The following GTF2F2 variants were observed in gnomAD, a reference collection of about 807,000 sequenced individuals.
GTF2F2 encodes general transcription factor IIF subunit 2.
GTF2F2 carries 23 observed loss-of-function variants against 42.2 expected under a neutral mutation model. The ratio of observed to expected loss-of-function variants is 0.55; its 90% CI spans 0.39 to 0.77. The LOEUF (loss-of-function observed/expected upper bound fraction) is 0.77. Among genes scored for constraint, GTF2F2 ranks in the 30% least tolerant of loss-of-function variants. GTF2F2 has a pLI of 0.00. For synonymous variants in GTF2F2, 105 were observed against 100.8 expected (o/e 1.04, Z -0.25); for missense variants, 261 against 287.2 (o/e 0.91, Z 0.66).
At chr13:45,272,130 T>C (rs895946636) in intron 7 of GTF2F2, among the ~76,000 whole-genome samples, 4 of 149,806 alleles carry the variant, frequency 2.7e-5, no homozygotes, top group Non-Finnish European at 5.9e-5. Flanking sequence ...AAAGACAATT[T>C]CCCAACAGAG....
chr13:45,230,098 C>A (rs1030772750), intron 5 of GTF2F2, among the ~76,000 whole-genome samples: 1 of 152,084 alleles, frequency 6.6e-6, no homozygotes, highest in African/African-American at 2.4e-5. Context: ...CACCTGTAAT[C>A]CCAGCTACTC....
At chr13:45,139,615 T>TA (rs1310314013) in intron 2 of GTF2F2, among the ~76,000 whole-genome samples, 2 of 152,222 alleles carry the variant, frequency 1.3e-5, no homozygotes, top group Non-Finnish European at 2.9e-5. Flanking sequence ...CTATCTCCCT[T>TA]ACCCTCTTAT....
chr13:45,124,562 T>C (rs1285533462), intron 1 of GTF2F2, among the ~76,000 whole-genome samples: 2 of 151,806 alleles, frequency 1.3e-5, no homozygotes, highest in Admixed American at 6.6e-5. Flanking sequence ...TTATTTTGTT[T>C]GTTTGTTTGT....
chr13:45,284,780 A>AT lies in GTF2F2; in HGVS notation c.*1224dup, dbSNP rs1877393766. 1 of 152,236 alleles carries AT rather than the reference A, an allele frequency of 6.6e-6. No individual in the cohort carries two copies. Among genetic ancestry groups the AT allele is most frequent in the Non-Finnish European group, 1.5e-5 (1 of 68,052 alleles). 9.4% of individuals were successfully genotyped at this position (152,236 alleles called of 1,614,324 possible). On this transcript the variant is annotated 3_prime_UTR_variant, in exon 8 of 8. Coordinates refer to ENST00000340473, the MANE Select transcript of GTF2F2 (RefSeq NM_004128.3). ...AGATATCTATCCATTGAGAAAAACA[A>AT]TTTTTATATTATTTGCTTTTAGCAG...
chr13:45,127,223 GC>G lies in GTF2F2; in HGVS notation c.66+6503del, dbSNP rs1869061614. On this transcript the variant is annotated intron_variant, in intron 1 of 7. Coordinates refer to ENST00000340473, the MANE Select transcript of GTF2F2 (RefSeq NM_004128.3). ...ACCTTTGAATTAAATAAGCTGGTGGGCTTACCTGGGAATCTACAGTTTTATT... is the reference window on the plus strand; with the variant it reads ...ACCTTTGAATTAAATAAGCTGGTGGGTTACCTGGGAATCTACAGTTTTATT... Among the ~76,000 whole-genome samples the G allele has an allele frequency of 2.0e-5, 3 of 152,196 alleles. No individual in the cohort carries two copies. In the East Asian group the frequency reaches 5.8e-4, roughly 29 times the overall value.
intron 7 of GTF2F2, among the ~76,000 whole-genome samples, chr13:45,272,742 C>G (rs1392432623): frequency 6.7e-6 from 1 of 148,576 alleles, no homozygotes; most frequent in Non-Finnish European, 1.5e-5. Context: ...GAGACCGTGT[C>G]TCAAATAAAT....
At chr13:45,254,274 A>G (rs1464751402) in intron 6 of GTF2F2, among the ~76,000 whole-genome samples, 1 of 152,184 alleles carries the variant, frequency 6.6e-6, no homozygotes, top group East Asian at 1.9e-4. Context: ...TATGTATAGG[A>G]AAAACCATAA....
rs1016690045 is a variant in GTF2F2, at chr13:45,191,238, T to A, written c.305-16186T>A. Among the ~76,000 whole-genome samples, 288 of 132,290 alleles carry A rather than the reference T, an allele frequency of 2.2e-3. 14 individuals carry two copies. The highest frequency in any genetic ancestry group is 6.3e-3 in the African/African-American group (197 of 31,400). The allele number at this position is 132,290 out of a possible 152,430, so 86.8% of individuals were successfully genotyped here. On this transcript the variant is annotated intron_variant, in intron 4 of 7. Coordinates refer to ENST00000340473, the MANE Select transcript of GTF2F2 (RefSeq NM_004128.3). ...TACAAAAAAAAAATATATATATATATATATATATATATATATAGCCATAAT... is the reference window on the plus strand; with the variant it reads ...TACAAAAAAAAAATATATATATATAAATATATATATATATATAGCCATAAT...
chr13:45,136,625 T>G, intron 1 of GTF2F2, 108 bp from the exon 2 acceptor site: 1 of 631,228 alleles, frequency 1.6e-6, no homozygotes, highest in Non-Finnish European at 2.8e-6. Flanking sequence ...AACTTGATAA[T>G]GATCCCTTAT....
intron 4 of GTF2F2, among the ~76,000 whole-genome samples, chr13:45,186,065 C>T (rs930477186): frequency 1.3e-5 from 2 of 151,922 alleles, no homozygotes; most frequent in African/African-American, 4.8e-5. Context: ...ACCTCTGCCT[C>T]CTGGGTTCAA....
chr13:45,149,915 A>G, intron 3 of GTF2F2, 127 bp downstream of exon 3: 11 of 821,544 alleles, frequency 1.3e-5, no homozygotes, highest in African/African-American at 1.8e-5. Context: ...TTAAGAACAC[A>G]TAAAGGTATA....
chr13:45,202,075 A>C (rs764599313), intron 4 of GTF2F2, among the ~76,000 whole-genome samples: 13 of 152,088 alleles, frequency 8.5e-5, no homozygotes, highest in African/African-American at 2.7e-4. Context: ...GGTCCAGCAC[A>C]ATCATTGCTT....
intron 1 of GTF2F2, among the ~76,000 whole-genome samples, chr13:45,130,109 CATT>C (rs1869258803): frequency 1.3e-5 from 2 of 152,212 alleles, no homozygotes; most frequent in South Asian, 4.1e-4. Flanking sequence ...TCACCTAAGA[CATT>C]ATAGGAGTTT....
At chr13:45,160,626 T>A (rs1870989574) in intron 4 of GTF2F2, among the ~76,000 whole-genome samples, 1 of 152,202 alleles carries the variant, frequency 6.6e-6, no homozygotes, top group African/African-American at 2.4e-5. Flanking sequence ...TTACATTCAT[T>A]AGCATCACTA....
At chr13:45,247,662 T>TA (rs1439772824) in intron 5 of GTF2F2, among the ~76,000 whole-genome samples, 1 of 152,112 alleles carries the variant, frequency 6.6e-6, no homozygotes, top group Non-Finnish European at 1.5e-5. Context: ...GTGCTAGGGT[T>TA]ACAGGCATGA....
At chr13:45,120,750 T>A in intron 1 of GTF2F2, 29 bp downstream of exon 1, 1 of 1,485,202 alleles carries the variant, frequency 6.7e-7, no homozygotes, top group Non-Finnish European at 9.2e-7. Flanking sequence ...CCACTTGCGC[T>A]CCTCCTAACA....
At chr13:45,281,052 T>C (rs982341574) in intron 7 of GTF2F2, among the ~76,000 whole-genome samples, 3 of 152,228 alleles carry the variant, frequency 2.0e-5, no homozygotes, top group Non-Finnish European at 2.9e-5. Context: ...GAAAGTAGTT[T>C]ATGAACAGTG....
chr13:45,237,243 C>G (rs1875040718), intron 5 of GTF2F2, among the ~76,000 whole-genome samples: 1 of 152,014 alleles, frequency 6.6e-6, no homozygotes, highest in Non-Finnish European at 1.5e-5. Context: ...CATGTTTTAC[C>G]TGCAGCTGAA....
At chr13:45,259,521 G>A (rs1413059837) in intron 6 of GTF2F2, among the ~76,000 whole-genome samples, 1 of 152,094 alleles carries the variant, frequency 6.6e-6, no homozygotes, top group African/African-American at 2.4e-5. Context: ...AGCTTCTTGG[G>A]TAATTCTAGT....
Sources: allele counts gnomAD v4.1 joint callset (sites outside exome capture counted in the v4.1 genomes callset), GRCh38; gene constraint gnomAD v4.1.1; transcripts MANE v1.5; gene names NCBI Gene and HGNC (gene_info 2026-07-23, HGNC 2026-07-21).